Variants in CSE1L observed in about 807,000 individuals in gnomAD.
CSE1L encodes the protein chromosome segregation 1 like.
A neutral mutation model predicts 120.4 loss-of-function variants in CSE1L; 24 were observed. The ratio of observed to expected loss-of-function variants is 0.20; its 90% CI spans 0.14 to 0.28. CSE1L has a LOEUF of 0.28. Among genes scored for constraint, CSE1L ranks in the 10% least tolerant of loss-of-function variants. The pLI, the probability that CSE1L is intolerant of heterozygous loss-of-function variation, is 1.00. For missense variants in CSE1L, 830 were observed against 1,145.2 expected (o/e 0.72, Z 3.97); for synonymous variants, 402 against 398.3 (o/e 1.01, Z -0.11).
chr20:49,046,952 T>G (rs2091717631), intron 1 of CSE1L, among the ~76,000 whole-genome samples: 1 of 152,246 alleles, frequency 6.6e-6, no homozygotes, highest in African/African-American at 2.4e-5. Context: ...GAACTCACCC[T>G]TCTCTAACCT....
rs1374451443 is a variant in CSE1L, at chr20:49,072,401, C to T, written c.884C>T (p.Thr295Ile). The change falls in exon 9 of 25, where the codon ACA becomes ATA. Residue 295 changes from threonine (T) to isoleucine (I), a missense_variant. Around this residue, in one of 4 missense-constraint regions of CSE1L, gnomAD observed 543 missense variants for 640.2 expected, o/e 0.85. Transcript: ENST00000262982. Reference protein sequence around the residue: ...EFQRYLPRFVTAIWNLLVTTG... With the variant: ...EFQRYLPRFVIAIWNLLVTTG... ...CAGCGATACCTGCCTCGTTTTGTTA[C>T]AGCCATCTGGAATTTACTAGTTACA... 6.2e-7 allele frequency: 1 copy of T among 1,614,192 alleles called. No homozygotes were observed. The highest frequency in any genetic ancestry group is 8.5e-7 in the Non-Finnish European group (1 of 1,180,022).
intron 14 of CSE1L, among the ~76,000 whole-genome samples, chr20:49,080,718 C>T (rs757678090): frequency 1.3e-5 from 2 of 152,094 alleles, no homozygotes; most frequent in African/African-American, 2.4e-5. Context: ...TCAGGCGATC[C>T]GCCTGCCTCG....
At chr20:49,074,956 T>C in intron 11 of CSE1L, 106 bp downstream of exon 11, 1 of 779,594 alleles carries the variant, frequency 1.3e-6, no homozygotes, top group Non-Finnish European at 2.1e-6. Context: ...GAGTGTTTTT[T>C]CAGCGGGCTT....
rs192279024 is a variant in CSE1L, at chr20:49,069,427, T to C, written c.675+605T>C. Among the ~76,000 whole-genome samples the C allele has an allele frequency of 8.5e-5, 13 of 152,348 alleles. No homozygotes were observed. The East Asian group carries it at 2.5e-3, about 29-fold the overall frequency. On this transcript the variant is annotated intron_variant, in intron 7 of 24. Transcript: ENST00000262982. ...TTCAGGACCAAGAAAGGGGTGTTAA[T>C]TGGTACAAACTGTTGCTATACTGCG...
In CSE1L at chr20:49,076,259, C is replaced by T. The variant is rs187955536; in HGVS notation, c.1336-721C>T. 1.8e-3 allele frequency among the ~76,000 whole-genome samples: 268 copies of T among 152,322 alleles called. 1 individual carries two copies. Among genetic ancestry groups the T allele is most frequent in the African/African-American group, 6.2e-3 (257 of 41,572 alleles). On this transcript the variant is annotated intron_variant, in intron 12 of 24. Coordinates refer to ENST00000262982, the MANE Select transcript of CSE1L (RefSeq NM_001316.4). The stretch of plus-strand genomic sequence containing the variant: ...CTGGAGTGCAATGGCACGATCTTGG[C>T]TCACCGCAACCTCCGTTTGCCGGGT...
chr20:49,075,951 C>T (rs946433250), intron 12 of CSE1L, among the ~76,000 whole-genome samples: 3 of 152,046 alleles, frequency 2.0e-5, no homozygotes, highest in East Asian at 1.9e-4. Context: ...CCTGCCTCAG[C>T]GTCCCAAGTA....
chr20:49,079,328 G>A (rs1197276286), intron 14 of CSE1L, among the ~76,000 whole-genome samples: 1 of 152,112 alleles, frequency 6.6e-6, no homozygotes, highest in Non-Finnish European at 1.5e-5. Flanking sequence ...CCGGGTTCAA[G>A]TGATTCTCCT....
At chr20:49,087,335 GTTTCTTTTTCTT>G (rs2092067250) in intron 16 of CSE1L, among the ~76,000 whole-genome samples, 1 of 142,056 alleles carries the variant, frequency 7.0e-6, no homozygotes, top group Admixed American at 7.2e-5. Context: ...TCTGATGCTG[GTTTCTTTTTCTT>G]TTTCTTTTTT....
chr20:49,081,409 C>T (rs545863827), intron 14 of CSE1L, among the ~76,000 whole-genome samples: 8 of 152,060 alleles, frequency 5.3e-5, no homozygotes, highest in Admixed American at 2.6e-4. Context: ...TTCAGCCTCC[C>T]GAGTAGCTGG....
At chr20:49,076,014 T>C (rs926773466) in intron 12 of CSE1L, among the ~76,000 whole-genome samples, 1 of 152,062 alleles carries the variant, frequency 6.6e-6, no homozygotes, top group Non-Finnish European at 1.5e-5. Context: ...GTATTTTTAG[T>C]AGAGACAAGG....
chr20:49,053,347 CTTTTTTTTTTT>C (rs11419181), intron 1 of CSE1L, among the ~76,000 whole-genome samples: 4 of 63,778 alleles, frequency 6.3e-5, no homozygotes, highest in Non-Finnish European at 7.8e-5. Flanking sequence ...AGCAAACTAA[CTTTTTTTTTTT>C]TTTTTTTTTT....
chr20:49,072,767 C>G (rs2091942487), intron 10 of CSE1L, 70 bp downstream of exon 10: 2 of 1,389,716 alleles, frequency 1.4e-6, no homozygotes, highest in Admixed American at 5.5e-5. Flanking sequence ...CATATTCAGT[C>G]TAATTCATTT....
rs191623585 is a variant in CSE1L, at chr20:49,077,429, G to A, written c.1420+365G>A. ...CCTGCGTCGGCCTGCCAAAGTGCTGGGATTGCAGGCGTGAGCCTCCATGCC... is the reference window on the plus strand; with the variant it reads ...CCTGCGTCGGCCTGCCAAAGTGCTGAGATTGCAGGCGTGAGCCTCCATGCC... On this transcript the variant is annotated intron_variant, in intron 13 of 24. Coordinates refer to ENST00000262982, the MANE Select transcript of CSE1L (RefSeq NM_001316.4). 1.4e-3 allele frequency among the ~76,000 whole-genome samples: 214 copies of A among 152,148 alleles called. 1 individual carries two copies. Among genetic ancestry groups the A allele is most frequent in the Middle Eastern group, 6.8e-3 (2 of 294 alleles).
chr20:49,069,244 A>C (rs1244672188), intron 7 of CSE1L, among the ~76,000 whole-genome samples: 1 of 152,216 alleles, frequency 6.6e-6, no homozygotes, highest in Non-Finnish European at 1.5e-5. Context: ...TGAGGGAGAC[A>C]AAAGACTTGA....
At chr20:49,095,153 A>G (rs769698614) in intron 24 of CSE1L, 190 bp downstream of exon 24, 3 of 683,660 alleles carry the variant, frequency 4.4e-6, no homozygotes, top group Middle Eastern at 2.4e-4. Context: ...TACTACAAAT[A>G]TATTTTAAGT....
chr20:49,094,616 T>G, intron 23 of CSE1L, 116 bp from the exon 24 acceptor site: 2 of 696,880 alleles, frequency 2.9e-6, no homozygotes, highest in South Asian at 3.8e-5. Flanking sequence ...ATTTCAAAGG[T>G]CCCCTTTTAT....
intron 13 of CSE1L, among the ~76,000 whole-genome samples, chr20:49,077,794 A>G (rs1172619437): frequency 2.0e-5 from 3 of 152,124 alleles, no homozygotes; most frequent in African/African-American, 7.2e-5. Flanking sequence ...TCGTGAGGTC[A>G]AGAGATTGAG....
chr20:49,091,892 CAGAA>C (rs1422198041), intron 21 of CSE1L, among the ~76,000 whole-genome samples, 150 bp from the exon 22 acceptor site: 6 of 152,138 alleles, frequency 3.9e-5, no homozygotes, highest in Non-Finnish European at 7.3e-5. Flanking sequence ...AGGTCTATGA[CAGAA>C]AGACAAGTTT....
Position 49,090,777 on chromosome 20 carries a change from A to G in CSE1L, c.2217A>G (p.Ala739=). ...TAGGTGTCTTTCAGAAGCTGATTGC[A>G]TCCAAAGCAAATGACCACCAAGGTT... ...GLLGVFQKLI[A]SKANDHQGFY... The change falls in exon 20 of 25, where the codon GCA becomes GCG. Residue 739 remains alanine, a synonymous_variant. Coordinates refer to ENST00000262982, the MANE Select transcript of CSE1L (RefSeq NM_001316.4). 6.2e-7 allele frequency: 1 copy of G among 1,614,044 alleles called. No homozygotes were observed. Among genetic ancestry groups the G allele is most frequent in the Non-Finnish European group, 8.5e-7 (1 of 1,179,960 alleles).
Sources: gnomAD v4.1 joint callset for allele counts (sites outside exome capture counted in the v4.1 genomes callset) on GRCh38, gnomAD v4.1.1 for gene constraint, gnomAD v4.1.1 regional missense constraint, MANE v1.5 for transcripts, NCBI Gene and HGNC (gene_info 2026-07-23, HGNC 2026-07-21) for gene names.